PRMT7: variants seen among roughly 807,000 people sequenced by gnomAD.
The protein encoded by PRMT7 is protein arginine N-methyltransferase 7.
In PRMT7, 75 loss-of-function variants were observed where a neutral mutation model predicts 85.4. The observed-to-expected ratio is 0.88, with a 90% CI of 0.73 to 1.06. The LOEUF (loss-of-function observed/expected upper bound fraction) is 1.06, where lower values mean the gene tolerates loss of function less well. Ranked by LOEUF, PRMT7 falls within the 50% of genes least tolerant of loss-of-function variation. The pLI, the probability that PRMT7 is intolerant of heterozygous loss-of-function variation, is 0.00. For synonymous variants in PRMT7, 397 were observed against 359.5 expected, an observed-to-expected ratio of 1.10 and a Z score of -1.18; for missense variants, 868 against 915.2, an observed-to-expected ratio of 0.95 and a Z score of 0.67.
rs1326277304 is a variant in PRMT7 at position 68,347,644 on chromosome 16, A to T, written c.1289A>T (p.Glu430Val). Residue 430 changes from glutamate (E) to valine (V), a missense_variant, in exon 13 of 19, where the codon GAG (glutamate) becomes GTG (valine). Physicochemically the swap from Glu to Val is moderately radical, Grantham distance 121 (BLOSUM62 -2). Coordinates refer to ENST00000441236, the MANE Select transcript of PRMT7 (RefSeq NM_019023.5). ...TGTTCCCTCTAGGTGTTTACAGTCG[A>T]GAGTTCAGCAGCTTCTCACAAACTG... ...HLGVEQVFTVESSAASHKLLR... is the reference protein window; with the variant it reads ...HLGVEQVFTVVSSAASHKLLR... 1 of 1,613,960 alleles carries T rather than the reference A, an allele frequency of 6.2e-7. No homozygotes were observed. Among genetic ancestry groups the T allele is most frequent in the South Asian group, 1.1e-5 (1 of 91,078 alleles).
intron 6 of PRMT7, 112 bp from the exon 7 acceptor site, chr16:68,337,347 A>G (rs1177962503): frequency 3.0e-6 from 2 of 671,572 alleles, no homozygotes; most frequent in Admixed American, 5.7e-5. Context: ...CTCAGCATGT[A>G]TATGTGCTTT....
downstream of PRMT7, chr16:68,360,665 C>T (rs1052206874): frequency 3.8e-5 from 6 of 155,892 alleles, no homozygotes; most frequent in Non-Finnish European, 8.6e-5. Flanking sequence ...AGCCGGCCCA[C>T]ACTGGAGGCG....
At position 68,345,665 on chromosome 16, in the gene PRMT7, T is replaced by A; in HGVS notation, c.928-10T>A. 6.2e-7 allele frequency: 1 copy of A among 1,613,470 alleles called. No homozygotes were observed. The highest frequency in any genetic ancestry group is 8.5e-7 in the Non-Finnish European group (1 of 1,179,988). The stretch of plus-strand genomic sequence containing the variant: ...AGCTCGTTGACAGCTGACTCTGTTC[T>A]CCGTTTCAGTGGCGGGACCACTGGA... On this transcript the variant is annotated splice_polypyrimidine_tract_variant and intron_variant, in intron 9 of 18. Transcript: ENST00000441236.
chr16:68,357,169 ACCCC>A lies in PRMT7; in HGVS notation c.2025_2028del (p.His675GlnfsTer21), dbSNP rs755101031. ...ACTGTCAGCTATGCAGTGGAGTTTC[ACCCC>A]GACACAGGCGACATCATCATGGAGT... On this transcript the variant is annotated frameshift_variant, in exon 19 of 19. Transcript: ENST00000441236. LOFTEE classifies it low-confidence loss of function (END_TRUNC). 1.2e-5 allele frequency: 19 copies of A among 1,613,730 alleles called. No homozygotes were observed. The highest frequency in any genetic ancestry group is 1.6e-5 in the Non-Finnish European group (19 of 1,180,002).
Position 68,357,529 on chromosome 16 carries a change from G to A in PRMT7, c.*305G>A. 3.3e-6 allele frequency: 1 copy of A among 302,110 alleles called. No individual in the cohort carries two copies. The highest frequency in any genetic ancestry group is 6.1e-6 in the Non-Finnish European group (1 of 163,516). The allele number at this position is 302,110 out of a possible 1,614,324, so 18.7% of individuals were successfully genotyped here. A position where few individuals can be genotyped will look rare whatever the true frequency, so the allele number is the denominator to read the frequency against. ...GAGACATCTCTCCCCAGCTGGGAAG[G>A]GAGTGGAAGCACAGGGAGCTTGTGG... is the stretch of plus-strand genomic sequence containing the variant. On this transcript the variant is annotated 3_prime_UTR_variant, in exon 19 of 19. Transcript: ENST00000441236.
Position 68,347,679 on chromosome 16 carries a change from G to A in PRMT7, c.1323+1G>A, listed in dbSNP as rs1429458215. The A allele has an allele frequency of 1.9e-6, 3 of 1,613,774 alleles. No individual in the cohort carries two copies. Among genetic ancestry groups the A allele is most frequent in the Non-Finnish European group, 1.7e-6 (2 of 1,179,754 alleles). ...AGCTTCTCACAAACTGTTGAGAAAA[G>A]TAAGTGAGAATTGTTGTTGCTGAAA... On this transcript the variant is annotated splice_donor_variant, in intron 13 of 18. Coordinates refer to ENST00000441236, the MANE Select transcript of PRMT7 (RefSeq NM_019023.5). LOFTEE classifies it high-confidence loss of function.
chr16:68,358,953 C>T (rs1041532226), downstream of PRMT7: 2 of 152,588 alleles, frequency 1.3e-5, no homozygotes, highest in Admixed American at 6.5e-5. Context: ...GTGCGGGGGC[C>T]TGGGGGCCGC....
chr16:68,312,853 C>T (rs1350544213), intron 2 of PRMT7, among the ~76,000 whole-genome samples: 2 of 152,198 alleles, frequency 1.3e-5, no homozygotes, highest in Admixed American at 1.3e-4. Context: ...GAGATACAGT[C>T]TTGCTCTGTT....
chr16:68,343,940 G>C (rs1297634231), intron 9 of PRMT7, among the ~76,000 whole-genome samples: 1 of 152,194 alleles, frequency 6.6e-6, no homozygotes, highest in African/African-American at 2.4e-5. Flanking sequence ...TGAGCAGGCA[G>C]TCGTCTCATC....
chr16:68,356,976 G>T (rs2066395413), intron 18 of PRMT7, 78 bp from the exon 19 acceptor site: 4 of 1,491,306 alleles, frequency 2.7e-6, no homozygotes, highest in Admixed American at 1.9e-5. Context: ...GCTGCGAGCT[G>T]CCTGGGCTGG....
intron 13 of PRMT7, among the ~76,000 whole-genome samples, chr16:68,348,116 C>G (rs571781793): frequency 2.6e-5 from 4 of 152,182 alleles, no homozygotes; most frequent in Non-Finnish European, 4.4e-5. Flanking sequence ...TGTGCACATG[C>G]GGGAGAAATT....
intron 4 of PRMT7, chr16:68,323,740 ATTACC>A (rs746184744): frequency 1.3e-5 from 2 of 152,216 alleles, no homozygotes; most frequent in East Asian, 1.9e-4. Context: ...TATTTAACAA[ATTACC>A]TTAAATTTTA....
Position 68,352,403 on chromosome 16 carries a change from G to T in PRMT7, c.1569G>T (p.Glu523Asp). The change falls in exon 15 of 19, where the codon GAG becomes GAT. Residue 523 changes from glutamate to aspartate, a missense_variant. Physicochemically the swap from Glu to Asp is conservative, Grantham distance 45. Coordinates refer to ENST00000441236, the MANE Select transcript of PRMT7 (RefSeq NM_019023.5). ...CCTCGCTGCACGCTGTGGTTGTGGAGTTCAGGGTAGGCCACCCAGGGGATG... is the reference window on the plus strand; with the variant it reads ...CCTCGCTGCACGCTGTGGTTGTGGATTTCAGGGTAGGCCACCCAGGGGATG... ...QAASLHAVVV[E>D]FRDLWRIRSP... The T allele has an allele frequency of 1.3e-6, 2 of 1,598,784 alleles. No homozygotes were observed. Among genetic ancestry groups the T allele is most frequent in the Non-Finnish European group, 1.7e-6 (2 of 1,176,198 alleles).
At chr16:68,347,068 G>T in intron 11 of PRMT7, 143 bp from the exon 12 acceptor site, 1 of 679,934 alleles carries the variant, frequency 1.5e-6, no homozygotes, top group Non-Finnish European at 2.5e-6. Flanking sequence ...GTGGCTGGGG[G>T]TGGTTACTGC....
At chr16:68,328,119 T>C (rs1336415038) in intron 5 of PRMT7, 2 of 328,496 alleles carry the variant, frequency 6.1e-6, no homozygotes, top group East Asian at 1.1e-4. Flanking sequence ...GCTTGGAGGC[T>C]GAAGCAGCTC....
chr16:68,311,036 C>T lies in PRMT7; in HGVS notation c.-282C>T, dbSNP rs747381530. 1 of 1,027,354 alleles carries T rather than the reference C, an allele frequency of 9.7e-7. No homozygotes were observed. Among genetic ancestry groups the T allele is most frequent in the South Asian group, 1.4e-5 (1 of 73,402 alleles). 63.6% of individuals were successfully genotyped at this position (1,027,354 alleles called of 1,614,324 possible). A position where few individuals can be genotyped will look rare whatever the true frequency, so the allele number is the denominator to read the frequency against. ...CGCTCCTCGACGCTGCGAGGTCCCGCCCCGCGTGCTGGCCGCGGTAAAAGT... is the reference window on the plus strand; with the variant it reads ...CGCTCCTCGACGCTGCGAGGTCCCGTCCCGCGTGCTGGCCGCGGTAAAAGT... On this transcript the variant is annotated 5_prime_UTR_variant, in exon 1 of 19. Transcript: ENST00000441236.
chr16:68,340,090 A>C (rs2085284597), intron 9 of PRMT7, 122 bp downstream of exon 9: 5 of 1,133,222 alleles, frequency 4.4e-6, no homozygotes, highest in African/African-American at 1.6e-5. Flanking sequence ...TGTCAGAATC[A>C]AAGACAAAAG....
chr16:68,322,752 G>A (rs2082644863), intron 4 of PRMT7, among the ~76,000 whole-genome samples: 1 of 152,020 alleles, frequency 6.6e-6, no homozygotes, highest in Non-Finnish European at 1.5e-5. Context: ...ATAAAACAAG[G>A]CCAGGCACGG....
intron 3 of PRMT7, among the ~76,000 whole-genome samples, chr16:68,320,021 T>TGG (rs1279345466): frequency 1.3e-5 from 2 of 152,172 alleles, no homozygotes; most frequent in Non-Finnish European, 2.9e-5. Context: ...ACGTGCCCAG[T>TGG]GGGGTACCTG....
Sources: allele counts gnomAD v4.1 joint callset (sites outside exome capture counted in the v4.1 genomes callset), GRCh38; gene constraint gnomAD v4.1.1; transcripts MANE v1.5; gene names NCBI Gene and HGNC (gene_info 2026-07-23, HGNC 2026-07-21).